SH3GL2: variants seen among roughly 807,000 people sequenced by gnomAD.
The protein encoded by SH3GL2 is endophilin-A1.
A neutral mutation model predicts 46.0 loss-of-function variants in SH3GL2; 24 were observed. That is an observed-to-expected ratio of 0.52 (90% CI 0.38 to 0.73). The LOEUF (loss-of-function observed/expected upper bound fraction) is 0.73. SH3GL2 is among the 30% of genes least tolerant of loss of function. The pLI, the probability that SH3GL2 is intolerant of heterozygous loss-of-function variation, is 0.00. For missense variants in SH3GL2, 413 were observed against 424.2 expected (o/e 0.97, Z 0.23); for synonymous variants, 196 against 147.1 (o/e 1.33, Z -2.40).
intron 1 of SH3GL2, among the ~76,000 whole-genome samples, chr9:17,611,031 G>T (rs974574392): frequency 1.5e-4 from 23 of 152,088 alleles, no homozygotes; most frequent in African/African-American, 5.1e-4. Context: ...CAATTAACTG[G>T]ATTTTTCTAT....
chr9:17,668,873 G>A (rs564943163), intron 1 of SH3GL2, among the ~76,000 whole-genome samples: 2 of 152,090 alleles, frequency 1.3e-5, no homozygotes, highest in African/African-American at 4.8e-5. Flanking sequence ...GCCTAGGCTG[G>A]TCTCAAACTC....
intron 2 of SH3GL2, among the ~76,000 whole-genome samples, chr9:17,761,185 A>T (rs9407839): frequency 0.11 from 17,225 of 152,204 alleles, 1,070 homozygotes; most frequent in Non-Finnish European, 0.12. Flanking sequence ...AAGGTAATGA[A>T]TTATATTTTG....
At chr9:17,712,487 T>C (rs567348823) in intron 1 of SH3GL2, among the ~76,000 whole-genome samples, 61 of 151,842 alleles carry the variant, frequency 4.0e-4, no homozygotes, top group Non-Finnish European at 7.5e-4. Context: ...TTTTGTATAT[T>C]ACTGAAGGTG....
At position 17,667,348 on chromosome 9, in the gene SH3GL2, C is replaced by A. The variant is rs537759729; in HGVS notation, c.46-79718C>A. ...GCATTTTCATCTTCCTAAAAAGAAA[C>A]CCCATGCCCACTGGCACCCACTCTC... On this transcript the variant is annotated intron_variant, in intron 1 of 8. Coordinates refer to ENST00000380607, the MANE Select transcript of SH3GL2 (RefSeq NM_003026.5). Among the ~76,000 whole-genome samples the A allele has an allele frequency of 1.0e-3, 157 of 152,172 alleles. 1 individual carries two copies. The highest frequency in any genetic ancestry group is 3.1e-3 in the African/African-American group (127 of 41,514).
At chr9:17,793,319 T>G (rs762797319) in intron 7 of SH3GL2, 48 bp from the exon 8 acceptor site, 10 of 1,541,812 alleles carry the variant, frequency 6.5e-6, no homozygotes, top group Non-Finnish European at 8.0e-6. Context: ...TTCATTTTAC[T>G]TCTTAACTGG....
chr9:17,771,824 G>C (rs924005733), intron 3 of SH3GL2, among the ~76,000 whole-genome samples: 1 of 152,114 alleles, frequency 6.6e-6, no homozygotes, highest in African/African-American at 2.4e-5. Flanking sequence ...CTTGGAGAGA[G>C]GTGTTATATA....
chr9:17,662,700 A>C (rs1266165609), intron 1 of SH3GL2, among the ~76,000 whole-genome samples: 2 of 137,638 alleles, frequency 1.5e-5, no homozygotes, highest in East Asian at 4.3e-4. Context: ...TTTTTGGCCA[A>C]GTCTTTTTTT....
chr9:17,587,886 A>G (rs574337393), intron 1 of SH3GL2, among the ~76,000 whole-genome samples: 1 of 148,022 alleles, frequency 6.8e-6, no homozygotes, highest in Admixed American at 6.6e-5. Context: ...CACTGTCTCA[A>G]AAAAACAAAA....
intron 3 of SH3GL2, among the ~76,000 whole-genome samples, chr9:17,775,260 G>A (rs757044870): frequency 2.6e-5 from 4 of 152,010 alleles, no homozygotes; most frequent in Non-Finnish European, 5.9e-5. Flanking sequence ...ATCAATTAAA[G>A]ACATCCTTGG....
At chr9:17,660,863 C>G (rs574367761) in intron 1 of SH3GL2, among the ~76,000 whole-genome samples, 1 of 152,218 alleles carries the variant, frequency 6.6e-6, no homozygotes, top group Non-Finnish European at 1.5e-5. Flanking sequence ...TACAAAGTGG[C>G]TTAAAATTAA....
intron 1 of SH3GL2, among the ~76,000 whole-genome samples, chr9:17,743,569 A>AACACACACACACACACACACAC (rs58408701): frequency 1.7e-3 from 242 of 143,670 alleles, no homozygotes; most frequent in East Asian, 5.8e-3. Flanking sequence ...CTCTTTTGTG[A>AACACACACACACACACACACAC]ACACACACAC....
intron 1 of SH3GL2, among the ~76,000 whole-genome samples, chr9:17,739,371 AACT>A (rs747105288): frequency 1.9e-4 from 29 of 152,186 alleles, no homozygotes; most frequent in Middle Eastern, 3.4e-3. Flanking sequence ...GAATTCGAAA[AACT>A]ACTACATGTC....
At chr9:17,639,550 A>T (rs1192754721) in intron 1 of SH3GL2, among the ~76,000 whole-genome samples, 3 of 152,250 alleles carry the variant, frequency 2.0e-5, no homozygotes, top group Admixed American at 6.5e-5. Context: ...ATGTGGAGCA[A>T]CCGGCACCTT....
chr9:17,790,513 G>T, intron 6 of SH3GL2: 4 of 540,472 alleles, frequency 7.4e-6, no homozygotes, highest in Non-Finnish European at 9.5e-6. Context: ...CTAACTCCTC[G>T]AGAGGAATAC....
chr9:17,666,789 T>C (rs1360890483), intron 1 of SH3GL2, among the ~76,000 whole-genome samples: 1 of 152,098 alleles, frequency 6.6e-6, no homozygotes. Flanking sequence ...GTAATATTGC[T>C]AGATCAAAAG....
At chr9:17,636,535 C>G (rs991829964) in intron 1 of SH3GL2, among the ~76,000 whole-genome samples, 2 of 152,172 alleles carry the variant, frequency 1.3e-5, no homozygotes, top group Non-Finnish European at 2.9e-5. Flanking sequence ...GGAGTCATGT[C>G]ACAGTACAAC....
chr9:17,663,249 G>T (rs1052711829), intron 1 of SH3GL2, among the ~76,000 whole-genome samples: 2 of 152,146 alleles, frequency 1.3e-5, no homozygotes, highest in Admixed American at 1.3e-4. Flanking sequence ...TCTTTTAGTT[G>T]TTGATTTTAG....
At chr9:17,759,295 A>C (rs1823100740) in intron 2 of SH3GL2, among the ~76,000 whole-genome samples, 1 of 152,210 alleles carries the variant, frequency 6.6e-6, no homozygotes, top group African/African-American at 2.4e-5. Flanking sequence ...ACAGACTTTG[A>C]GAAGTTTCAA....
Position 17,756,572 on chromosome 9 carries a change from G to A in SH3GL2, c.115-4865G>A, listed in dbSNP as rs376266214. 2.8e-4 allele frequency among the ~76,000 whole-genome samples: 42 copies of A among 149,324 alleles called. No homozygotes were observed. The East Asian group carries it at 7.5e-3, about 27-fold the overall frequency. On this transcript the variant is annotated intron_variant, in intron 2 of 8. Coordinates refer to ENST00000380607, the MANE Select transcript of SH3GL2 (RefSeq NM_003026.5). ...TTCCCACCTATGAGTGAGAACTTGC[G>A]GTGTTTGGTTTTTTGTCCTTGCAAT...
Sources: gnomAD v4.1 joint callset for allele counts (sites outside exome capture counted in the v4.1 genomes callset) on GRCh38, gnomAD v4.1.1 for gene constraint, MANE v1.5 for transcripts, NCBI Gene and HGNC (gene_info 2026-07-23, HGNC 2026-07-21) for gene names.